The following STK32A variants were observed in gnomAD, a reference collection of about 807,000 sequenced individuals.
The protein encoded by STK32A is serine/threonine kinase 32A, also known as serine/threonine-protein kinase 32A.
In STK32A, 41 loss-of-function variants were observed where a neutral mutation model predicts 53.2. That is an observed-to-expected ratio of 0.77 (90% CI 0.60 to 1.00). The LOEUF (loss-of-function observed/expected upper bound fraction) is 1.00. STK32A is among the 50% of genes least tolerant of loss of function. The pLI, the probability that STK32A is intolerant of heterozygous loss-of-function variation, is 0.00. For missense variants in STK32A, 458 were observed against 485.8 expected (o/e 0.94, Z 0.54); for synonymous variants, 166 against 162.8 (o/e 1.02, Z -0.15).
the STK32A span, chr5:147,395,511 C>T: frequency 6.4e-7 from 1 of 1,564,836 alleles, no homozygotes; most frequent in Admixed American, 1.9e-5. Context: ...GAACATTGAT[C>T]TTCCCCTTCC....
At chr5:147,282,265 C>T (rs1227574019) in intron 4 of STK32A, among the ~76,000 whole-genome samples, 2 of 152,132 alleles carry the variant, frequency 1.3e-5, no homozygotes, top group Non-Finnish European at 2.9e-5. Flanking sequence ...AATGTGAGTG[C>T]TCCAACTGTG....
chr5:147,328,942 G>T (rs1754729319), intron 5 of STK32A, among the ~76,000 whole-genome samples: 1 of 152,146 alleles, frequency 6.6e-6, no homozygotes, highest in African/African-American at 2.4e-5. Flanking sequence ...AATACCATTT[G>T]AGAGGATGGT....
At chr5:147,373,382 C>T (rs2152004533) in intron 10 of STK32A, 88 bp downstream of exon 10, 1 of 1,529,256 alleles carries the variant, frequency 6.5e-7, no homozygotes, top group East Asian at 2.4e-5. Context: ...ATTAGATAAT[C>T]ACACCAGTGT....
chr5:147,329,676 G>A (rs759603025), intron 5 of STK32A, among the ~76,000 whole-genome samples: 3 of 152,148 alleles, frequency 2.0e-5, no homozygotes, highest in Admixed American at 6.5e-5. Context: ...GCTTAGTTGC[G>A]TCTTCCCAAT....
intron 4 of STK32A, among the ~76,000 whole-genome samples, chr5:147,301,935 C>G (rs1032502634): frequency 2.6e-5 from 4 of 152,178 alleles, no homozygotes; most frequent in Non-Finnish European, 5.9e-5. Flanking sequence ...ATACTATCTT[C>G]AAACCTCTCT....
chr5:147,255,073 G>A (rs1204820010), intron 2 of STK32A, among the ~76,000 whole-genome samples: 1 of 152,164 alleles, frequency 6.6e-6, no homozygotes, highest in African/African-American at 2.4e-5. Flanking sequence ...CCAGGAGGCG[G>A]AGCTTGCAGT....
chr5:147,338,203 G>C (rs561680169), intron 5 of STK32A, among the ~76,000 whole-genome samples: 4 of 152,222 alleles, frequency 2.6e-5, no homozygotes, highest in African/African-American at 9.6e-5. Flanking sequence ...TGAGTCATGG[G>C]GGTGGGTTTT....
intron 5 of STK32A, among the ~76,000 whole-genome samples, chr5:147,324,580 A>T (rs1754486641): frequency 6.6e-6 from 1 of 152,200 alleles, no homozygotes; most frequent in Non-Finnish European, 1.5e-5. Flanking sequence ...GTAAATAAAG[A>T]CATACAAATA....
At chr5:147,353,482 C>T (rs188289495) in intron 7 of STK32A, among the ~76,000 whole-genome samples, 16 of 152,236 alleles carry the variant, frequency 1.1e-4, no homozygotes, top group African/African-American at 3.6e-4. Context: ...TCATGCTTGG[C>T]GGGGTGCGGT....
At chr5:147,254,433 A>G (rs1754134342) in intron 2 of STK32A, among the ~76,000 whole-genome samples, 1 of 152,150 alleles carries the variant, frequency 6.6e-6, no homozygotes, top group African/African-American at 2.4e-5. Context: ...GTGCTTTATT[A>G]TTAGGTTTCT....
chr5:147,328,483 G>A (rs1232419485), intron 5 of STK32A, among the ~76,000 whole-genome samples: 1 of 152,140 alleles, frequency 6.6e-6, no homozygotes, highest in African/African-American at 2.4e-5. Context: ...TAAAGACACA[G>A]GGTTGCATAA....
At chr5:147,313,029 C>T (rs1753779174) in intron 4 of STK32A, among the ~76,000 whole-genome samples, 1 of 145,596 alleles carries the variant, frequency 6.9e-6, no homozygotes, top group Non-Finnish European at 1.5e-5. Flanking sequence ...CTGCTTGAGG[C>T]CAGCCTGGGC....
At chr5:147,368,533 C>CAT in intron 8 of STK32A, among the ~76,000 whole-genome samples, 1 of 152,140 alleles carries the variant, frequency 6.6e-6, no homozygotes, top group South Asian at 2.1e-4. Context: ...ACATAGAAAC[C>CAT]ATATGTGTCT....
At chr5:147,262,097 C>A (rs1417921428) in intron 2 of STK32A, among the ~76,000 whole-genome samples, 3 of 152,130 alleles carry the variant, frequency 2.0e-5, no homozygotes, top group Non-Finnish European at 2.9e-5. Flanking sequence ...ATTCTCATCA[C>A]AAATGGTGAA....
chr5:147,271,819 A>C (rs930434934), intron 2 of STK32A, among the ~76,000 whole-genome samples: 1 of 152,152 alleles, frequency 6.6e-6, no homozygotes. Context: ...AGATGTTATC[A>C]ATGACAATGG....
chr5:147,307,431 G>A (rs1008131021), intron 4 of STK32A, among the ~76,000 whole-genome samples: 2 of 151,846 alleles, frequency 1.3e-5, no homozygotes, highest in South Asian at 4.2e-4. Flanking sequence ...GACAAGCCTG[G>A]CCAACATGGT....
chr5:147,245,145 C>A (rs1043887983), intron 2 of STK32A, among the ~76,000 whole-genome samples: 1 of 152,208 alleles, frequency 6.6e-6, no homozygotes, highest in East Asian at 1.9e-4. Context: ...TCTTTTTTAT[C>A]CCCCTGAGGT....
chr5:147,320,552 G>A, intron 4 of STK32A, among the ~76,000 whole-genome samples: 1 of 152,300 alleles, frequency 6.6e-6, no homozygotes, highest in East Asian at 1.9e-4. Context: ...TGCATCCTGA[G>A]ATATACTGGG....
the STK32A span, chr5:147,395,641 G>T: frequency 3.7e-6 from 6 of 1,614,148 alleles, no homozygotes; most frequent in Non-Finnish European, 5.1e-6. Context: ...AGCCTGCGGG[G>T]GTGCCACCTT....
Sources: allele counts gnomAD v4.1 joint callset (sites outside exome capture counted in the v4.1 genomes callset), GRCh38; gene constraint gnomAD v4.1.1; transcripts MANE v1.5; gene names NCBI Gene and HGNC (gene_info 2026-07-23, HGNC 2026-07-21).